NALF1: variants seen among roughly 807,000 people sequenced by gnomAD.
NALF1 encodes family with sequence similarity 155 member A.
A neutral mutation model predicts 48.4 loss-of-function variants in NALF1; 3 were observed. The observed-to-expected ratio is 0.06, with a 90% CI of 0.03 to 0.16. The LOEUF is 0.16. Ranked by LOEUF, NALF1 falls within the 10% of genes least tolerant of loss-of-function variation. NALF1 has a pLI of 1.00. For synonymous variants in NALF1, 262 were observed against 245.7 expected, an observed-to-expected ratio of 1.07 and a Z score of -0.62; for missense variants, 526 against 571.5, an observed-to-expected ratio of 0.92 and a Z score of 0.81.
intron 1 of NALF1, among the ~76,000 whole-genome samples, chr13:107,604,817 C>G (rs1190554928): frequency 6.6e-6 from 1 of 152,086 alleles, no homozygotes; most frequent in Non-Finnish European, 1.5e-5. Context: ...TAGCTGAATT[C>G]TTGTAGGAAC....
chr13:107,750,892 C>T (rs1275000493), intron 1 of NALF1, among the ~76,000 whole-genome samples: 1 of 152,172 alleles, frequency 6.6e-6, no homozygotes, highest in Non-Finnish European at 1.5e-5. Flanking sequence ...CCACAGCCCC[C>T]GGCCAAAATA....
At chr13:107,818,871 C>CAAAAAAAAAAAAAAAAAAA (rs774372636) in intron 1 of NALF1, among the ~76,000 whole-genome samples, 1 of 73,814 alleles carries the variant, frequency 1.4e-5, no homozygotes, top group Non-Finnish European at 3.0e-5. Context: ...GACTCCGTCT[C>CAAAAAAAAAAAAAAAAAAA]AAAAAAAAAA....
At chr13:107,635,894 T>G (rs1023428939) in intron 1 of NALF1, among the ~76,000 whole-genome samples, 9 of 152,148 alleles carry the variant, frequency 5.9e-5, no homozygotes, top group African/African-American at 2.2e-4. Context: ...CTTCTATAGC[T>G]TATTCAGTTA....
intron 2 of NALF1, among the ~76,000 whole-genome samples, chr13:107,209,945 A>C (rs919836470): frequency 2.6e-5 from 4 of 152,114 alleles, no homozygotes; most frequent in African/African-American, 9.7e-5. Flanking sequence ...ATTCTGTCTA[A>C]ATTATGTAAT....
intron 1 of NALF1, among the ~76,000 whole-genome samples, chr13:107,363,224 A>G (rs767836310): frequency 2.0e-5 from 3 of 152,210 alleles, no homozygotes; most frequent in African/African-American, 4.8e-5. Flanking sequence ...AAAGAATTGC[A>G]TACAATCTTA....
chr13:107,794,017 A>G (rs188991250), intron 1 of NALF1, among the ~76,000 whole-genome samples: 17 of 152,330 alleles, frequency 1.1e-4, no homozygotes, highest in African/African-American at 4.1e-4. Flanking sequence ...ACAGCAAGGT[A>G]AAACGTAAAC....
At chr13:107,417,131 TAA>T (rs1169284368) in intron 1 of NALF1, among the ~76,000 whole-genome samples, 1 of 152,224 alleles carries the variant, frequency 6.6e-6, no homozygotes, top group Non-Finnish European at 1.5e-5. Context: ...TACTGTTGTT[TAA>T]CTCTTTAAGT....
intron 1 of NALF1, among the ~76,000 whole-genome samples, chr13:107,260,633 G>C (rs1880911565): frequency 6.6e-6 from 1 of 152,132 alleles, no homozygotes; most frequent in Admixed American, 6.6e-5. Flanking sequence ...GCTTATTTAG[G>C]ATAACTTAGC....
chr13:107,543,697 G>A (rs1242533481), intron 1 of NALF1, among the ~76,000 whole-genome samples: 2 of 151,256 alleles, frequency 1.3e-5, no homozygotes, highest in South Asian at 2.1e-4. Context: ...GTATATACAC[G>A]TATATATATA....
intron 1 of NALF1, among the ~76,000 whole-genome samples, chr13:107,214,386 T>C (rs1566453461): frequency 6.6e-6 from 1 of 152,226 alleles, no homozygotes; most frequent in African/African-American, 2.4e-5. Context: ...TTATAATGGC[T>C]TGGCCTTCTC....
chr13:107,189,597 T>C (rs924500572), intron 2 of NALF1, among the ~76,000 whole-genome samples: 7 of 152,168 alleles, frequency 4.6e-5, no homozygotes, highest in African/African-American at 7.2e-5. Flanking sequence ...GCAGTGGGCA[T>C]TGTCAGGATT....
intron 1 of NALF1, among the ~76,000 whole-genome samples, chr13:107,364,024 T>C (rs1421589173): frequency 1.3e-5 from 2 of 152,224 alleles, no homozygotes; most frequent in East Asian, 1.9e-4. Context: ...AATCAGTCTA[T>C]ACGTAATAAG....
intron 1 of NALF1, among the ~76,000 whole-genome samples, chr13:107,800,364 C>T (rs374949415): frequency 7.9e-5 from 12 of 151,842 alleles, no homozygotes; most frequent in African/African-American, 2.9e-4. Flanking sequence ...TATCATATCA[C>T]TTTTTCAGGA....
At chr13:107,198,817 T>C (rs1025255558) in intron 2 of NALF1, among the ~76,000 whole-genome samples, 2 of 152,226 alleles carry the variant, frequency 1.3e-5, no homozygotes, top group South Asian at 2.1e-4. Context: ...TCTTGGCTTG[T>C]AGACGATCAT....
Position 107,287,713 on chromosome 13 carries a change from T to C in NALF1, c.916-76958A>G, listed in dbSNP as rs1322339287. On this transcript the variant is annotated intron_variant, in intron 1 of 2. Transcript: ENST00000375915. ...CTTTCTTTTCTTTTCTTTCTTTTTT[T>C]TTTTTTTTTTGAGACAGAGTCTTGT... Among the ~76,000 whole-genome samples, 870 of 148,824 alleles carry C rather than the reference T, an allele frequency of 5.8e-3. 8 individuals are homozygous for C. The highest frequency in any genetic ancestry group is 0.02 in the African/African-American group (815 of 41,008).
rs192314573 is a variant in NALF1 at position 107,699,933 on chromosome 13, A to T, written c.915+165749T>A. 7.1e-4 allele frequency among the ~76,000 whole-genome samples: 108 copies of T among 152,258 alleles called. 1 individual carries two copies. Among genetic ancestry groups the T allele is most frequent in the Admixed American group, 2.8e-3 (43 of 15,284 alleles). On this transcript the variant is annotated intron_variant, in intron 1 of 2. Coordinates refer to ENST00000375915, the MANE Select transcript of NALF1 (RefSeq NM_001080396.3). ...TAGAATCAAAGCAAAAATATTAATT[A>T]TGAATAAATTTACTCAAGTAGGTAA...
intron 1 of NALF1, among the ~76,000 whole-genome samples, chr13:107,664,144 C>A (rs1880798589): frequency 6.6e-6 from 1 of 152,186 alleles, no homozygotes; most frequent in South Asian, 2.1e-4. Context: ...CTCCCATTCC[C>A]AAAGTCGTCT....
intron 1 of NALF1, among the ~76,000 whole-genome samples, chr13:107,499,172 C>A (rs1875434291): frequency 6.7e-6 from 1 of 150,286 alleles, no homozygotes; most frequent in South Asian, 2.1e-4. Context: ...AAAAAAAAAA[C>A]ACATACCTAT....
intron 1 of NALF1, among the ~76,000 whole-genome samples, chr13:107,333,097 C>T (rs1001205677): frequency 1.3e-5 from 2 of 152,190 alleles, no homozygotes; most frequent in East Asian, 3.9e-4. Flanking sequence ...CTGCCCGCCT[C>T]GGCCTCCCAA....
Sources: gnomAD v4.1 joint callset for allele counts (sites outside exome capture counted in the v4.1 genomes callset) on GRCh38, gnomAD v4.1.1 for gene constraint, MANE v1.5 for transcripts, NCBI Gene and HGNC (gene_info 2026-07-23, HGNC 2026-07-21) for gene names.